Variants in USH2A observed in about 807,000 individuals in gnomAD.
The protein encoded by USH2A is Usher syndrome 2A (autosomal recessive, mild).
Under a neutral mutation model 538.9 loss-of-function variants are expected in USH2A, and 443 were observed. That is an observed-to-expected ratio of 0.82 (90% CI 0.76 to 0.89). The LOEUF is 0.89. USH2A is among the 40% of genes least tolerant of loss of function. The probability of loss-of-function intolerance (pLI) is 0.00; values close to 1 mark genes in which losing one functional copy is unlikely to be tolerated. For synonymous variants in USH2A, 2,413 were observed against 2,273.5 expected (o/e 1.06, Z -1.75); for missense variants, 6,633 against 6,324.8 (o/e 1.05, Z -1.65).
At chr1:215,843,815 A>G (rs1418421272) in intron 46 of USH2A, among the ~76,000 whole-genome samples, 1 of 152,174 alleles carries the variant, frequency 6.6e-6, no homozygotes, top group African/African-American at 2.4e-5. Context: ...AGAGGTGGCT[A>G]GAATGTTTTA....
Position 215,888,633 on chromosome 1 carries a change from C to T in USH2A, c.8016G>A (p.Leu2672=), listed in dbSNP as rs368327746. The change falls in exon 41 of 72, where the codon CTG becomes CTA. Residue 2672 remains leucine (L), a synonymous_variant. Transcript: ENST00000307340. Reference sequence around the variant, plus strand: ...TGGAATGACTCCTCGGGAGAGTCACCAGGGTAGTAACTTCTTCCTTTCCTT... The same window carrying T: ...TGGAATGACTCCTCGGGAGAGTCACTAGGGTAGTAACTTCTTCCTTTCCTT... ...RVKGKEEVTT[L]VTLPRSHSMR... 432 of 1,614,036 alleles carry T rather than the reference C, an allele frequency of 2.7e-4. No individual in the cohort carries two copies. The highest frequency in any genetic ancestry group is 3.5e-4 in the Non-Finnish European group (417 of 1,180,020).
chr1:215,800,941 C>T (rs915801506), intron 49 of USH2A, among the ~76,000 whole-genome samples: 3 of 151,906 alleles, frequency 2.0e-5, no homozygotes, highest in East Asian at 1.9e-4. Flanking sequence ...CATGACCAAG[C>T]GGGATATATC....
intron 56 of USH2A, among the ~76,000 whole-genome samples, chr1:215,760,309 C>T (rs753790991): frequency 2.6e-5 from 4 of 152,114 alleles, no homozygotes; most frequent in Non-Finnish European, 5.9e-5. Flanking sequence ...ACTGGGATCT[C>T]TTCCCCTCCT....
At chr1:216,035,124 A>G (rs1238490273) in intron 32 of USH2A, among the ~76,000 whole-genome samples, 3 of 152,166 alleles carry the variant, frequency 2.0e-5, no homozygotes, top group African/African-American at 7.2e-5. Flanking sequence ...ATTTCAGGAA[A>G]GTTTTAGAAT....
intron 21 of USH2A, among the ~76,000 whole-genome samples, chr1:216,134,657 T>C (rs1374115280): frequency 6.6e-6 from 1 of 152,170 alleles, no homozygotes; most frequent in Non-Finnish European, 1.5e-5. Flanking sequence ...ACTTTTCATA[T>C]TGCACAAATT....
Position 216,367,326 on chromosome 1 carries a change from G to T in USH2A, c.652-2241C>A, listed in dbSNP as rs572956557. ...CAGAAGTTAGAAATGTATGGCTAAA[G>T]CTCAGTGTCACTGGTCTAATAAAGG... On this transcript the variant is annotated intron_variant, in intron 3 of 71. Transcript: ENST00000307340. Among the ~76,000 whole-genome samples the T allele has an allele frequency of 2.6e-5, 4 of 152,276 alleles. No homozygotes were observed. In the South Asian group the frequency reaches 8.3e-4, roughly 32 times the overall value.
At chr1:215,924,869 C>G (rs1666197125) in intron 38 of USH2A, among the ~76,000 whole-genome samples, 1 of 151,984 alleles carries the variant, frequency 6.6e-6, no homozygotes, top group Non-Finnish European at 1.5e-5. Context: ...TCTATATAAT[C>G]CACATGAGAG....
At chr1:216,014,423 C>T (rs182793908) in intron 32 of USH2A, among the ~76,000 whole-genome samples, 1 of 152,346 alleles carries the variant, frequency 6.6e-6, no homozygotes, top group African/African-American at 2.4e-5. Flanking sequence ...TGACAACTCT[C>T]CTCCTAGCTT....
At chr1:216,133,199 C>A (rs368415993) in intron 21 of USH2A, among the ~76,000 whole-genome samples, 3 of 152,130 alleles carry the variant, frequency 2.0e-5, no homozygotes, top group African/African-American at 7.2e-5. Flanking sequence ...CAACAAAAAT[C>A]TGGCTAACTT....
At chr1:216,101,877 G>T (rs1438181371) in intron 21 of USH2A, among the ~76,000 whole-genome samples, 1 of 152,050 alleles carries the variant, frequency 6.6e-6, no homozygotes, top group Non-Finnish European at 1.5e-5. Flanking sequence ...TACATCCATG[G>T]CCTAACATTC....
chr1:215,836,836 G>A (rs1193477216), intron 47 of USH2A, among the ~76,000 whole-genome samples: 4 of 151,150 alleles, frequency 2.6e-5, no homozygotes, highest in Non-Finnish European at 4.4e-5. Context: ...GATTACAGGC[G>A]TGAGCCACCA....
At chr1:215,737,100 A>G (rs1270288685) in intron 60 of USH2A, among the ~76,000 whole-genome samples, 1 of 151,960 alleles carries the variant, frequency 6.6e-6, no homozygotes, top group African/African-American at 2.4e-5. Context: ...TATGATACAC[A>G]TCCATATAAC....
chr1:215,963,278 T>G (rs3845529), intron 37 of USH2A, among the ~76,000 whole-genome samples: 59,790 of 151,828 alleles, frequency 0.39, 12,244 homozygotes, highest in East Asian at 0.67. Flanking sequence ...GTCACCCAGC[T>G]GCTGATGGGT....
chr1:216,336,984 GGTAGAA>G (rs2037986886), intron 4 of USH2A, among the ~76,000 whole-genome samples: 1 of 151,366 alleles, frequency 6.6e-6, no homozygotes. Context: ...TTAGGAACAA[GGTAGAA>G]GTTGAAAGAG....
intron 46 of USH2A, among the ~76,000 whole-genome samples, chr1:215,843,296 A>T (rs1558123620): frequency 6.6e-6 from 1 of 152,188 alleles, no homozygotes; most frequent in Non-Finnish European, 1.5e-5. Flanking sequence ...TTTATTAAAA[A>T]ATTTTGTAAA....
At chr1:216,319,481 A>G (rs1434368292) in intron 9 of USH2A, among the ~76,000 whole-genome samples, 1 of 152,196 alleles carries the variant, frequency 6.6e-6, no homozygotes, top group Admixed American at 6.5e-5. Context: ...CAAAGACTCT[A>G]GGCATTAGAA....
At chr1:216,173,888 G>C (rs1176769709) in intron 21 of USH2A, 1 of 876,104 alleles carries the variant, frequency 1.1e-6, no homozygotes, top group East Asian at 1.2e-4. Flanking sequence ...ATTTTCATTT[G>C]AGAAAAGAGT....
rs553112540 is a variant in USH2A at position 215,874,176 on chromosome 1, C to T, written c.8681+3582G>A. On this transcript the variant is annotated intron_variant, in intron 43 of 71. Transcript: ENST00000307340. ...CAGCTTCAGATGATAACAGCACGTT[C>T]GCCAGATTTTCTAAGTGATGAAAAT... Among the ~76,000 whole-genome samples the T allele has an allele frequency of 4.6e-5, 7 of 152,272 alleles. No individual in the cohort carries two copies. In the East Asian group the frequency reaches 5.8e-4, roughly 13 times the overall value.
intron 32 of USH2A, among the ~76,000 whole-genome samples, chr1:216,027,740 T>G (rs1265792530): frequency 1.3e-5 from 2 of 152,164 alleles, no homozygotes; most frequent in Non-Finnish European, 2.9e-5. Context: ...AGCTTTAAAT[T>G]TTAAAAACTG....
Sources: allele counts gnomAD v4.1 joint callset (sites outside exome capture counted in the v4.1 genomes callset), GRCh38; gene constraint gnomAD v4.1.1; transcripts MANE v1.5; gene names NCBI Gene and HGNC (gene_info 2026-07-23, HGNC 2026-07-21).